Variants in ZNF560 observed in about 807,000 individuals in gnomAD.
ZNF560 encodes zinc finger protein 560.
Under a neutral mutation model 81.8 loss-of-function variants are expected in ZNF560, and 54 were observed. The observed-to-expected ratio is 0.66, with a 90% CI of 0.53 to 0.83. The LOEUF (loss-of-function observed/expected upper bound fraction) is 0.83. ZNF560 is among the 40% of genes least tolerant of loss of function. The pLI is 0.00. For synonymous variants in ZNF560, 321 were observed against 317.9 expected, an observed-to-expected ratio of 1.01 and a Z score of -0.10; for missense variants, 940 against 932.4, an observed-to-expected ratio of 1.01 and a Z score of -0.11.
intron 2 of ZNF560, among the ~76,000 whole-genome samples, chr19:9,487,737 G>C (rs1417892980): frequency 6.6e-6 from 1 of 152,164 alleles, no homozygotes; most frequent in African/African-American, 2.4e-5. Flanking sequence ...GGTCAGGGGA[G>C]GGCCAACAGA....
the ZNF560 span, among the ~76,000 whole-genome samples, chr19:9,452,072 T>G: frequency 6.6e-6 from 1 of 151,562 alleles, no homozygotes; most frequent in Non-Finnish European, 1.5e-5. Flanking sequence ...TGAGACTCCA[T>G]GTAAGCCAAA....
chr19:9,481,306 A>G (rs2073285953), intron 2 of ZNF560, among the ~76,000 whole-genome samples: 1 of 152,208 alleles, frequency 6.6e-6, no homozygotes, highest in Admixed American at 6.5e-5. Context: ...TTAGACCTAA[A>G]ACCATAAAAA....
chr19:9,500,021 AT>A (rs2073619155), upstream of ZNF560, among the ~76,000 whole-genome samples: 1 of 152,106 alleles, frequency 6.6e-6, no homozygotes, highest in Non-Finnish European at 1.5e-5. Flanking sequence ...CTATAAATAT[AT>A]TTTTATTTGT....
chr19:9,468,057 T>G lies in ZNF560; in HGVS notation c.890A>C (p.Tyr297Ser). Residue 297 changes from tyrosine to serine, a missense_variant, in exon 10 of 10, where the codon TAT becomes TCT. Physicochemically the swap from Tyr to Ser is moderately radical, Grantham distance 144 (BLOSUM62 -2). Transcript: ENST00000301480. ...TGACTGATAAATGAAGGCTTTCCCA[T>G]AGTCAGTGCCTTCAAAGGATTTATC... is the stretch of plus-strand genomic sequence containing the variant. ...TQDKSFEGTD[Y>S]GKAFIYQSYL... 1.2e-6 allele frequency: 2 copies of G among 1,614,210 alleles called. No homozygotes were observed. Among genetic ancestry groups the G allele is most frequent in the African/African-American group, 2.7e-5 (2 of 75,060 alleles).
At chr19:9,500,588 T>C (rs971065156), upstream of ZNF560, among the ~76,000 whole-genome samples, 1 of 152,028 alleles carries the variant, frequency 6.6e-6, no homozygotes, top group African/African-American at 2.4e-5. Flanking sequence ...TCTTAATTTT[T>C]TTTTTGAGAC....
chr19:9,478,818 TTAA>T (rs1221546423), intron 2 of ZNF560, among the ~76,000 whole-genome samples: 1 of 151,784 alleles, frequency 6.6e-6, no homozygotes, highest in Non-Finnish European at 1.5e-5. Flanking sequence ...GAGAAAATTA[TTAA>T]TCACAAAAAT....
chr19:9,483,275 G>A (rs1393856954), intron 2 of ZNF560, among the ~76,000 whole-genome samples: 28 of 149,124 alleles, frequency 1.9e-4, no homozygotes, highest in African/African-American at 4.7e-4. Context: ...CTGCCCCGCC[G>A]CCCCGTCTGG....
Position 9,467,682 on chromosome 19 carries a change from T to C in ZNF560, c.1265A>G (p.His422Arg). 1.2e-6 allele frequency: 2 copies of C among 1,614,116 alleles called. No homozygotes were observed. The highest frequency in any genetic ancestry group is 1.7e-6 in the Non-Finnish European group (2 of 1,180,020). The change falls in exon 10 of 10, where the codon CAT becomes CGT. Residue 422 changes from histidine (H) to arginine (R), a missense_variant. Coordinates refer to ENST00000301480, the MANE Select transcript of ZNF560 (RefSeq NM_152476.3). ...TTTCTCTCTGGCGTGACATCTTATA[T>C]GTTCAATAAGGCCTGCAGATGTACC... is the stretch of plus-strand genomic sequence containing the variant. ...AFGTSAGLIEHIRCHAREKTF... is the reference protein window; with the variant it reads ...AFGTSAGLIERIRCHAREKTF...
chr19:9,471,401 G>C, intron 5 of ZNF560, 23 bp from the exon 6 acceptor site: 1 of 1,423,958 alleles, frequency 7.0e-7, no homozygotes, highest in Non-Finnish European at 9.3e-7. Context: ...CATAAACTGA[G>C]GTTTTTTTTT....
At position 9,473,249 on chromosome 19, in the gene ZNF560, G is replaced by C. The variant is rs1216475740; in HGVS notation, c.168C>G (p.Leu56=). 1 of 1,610,306 alleles carries C rather than the reference G, an allele frequency of 6.2e-7. No individual in the cohort carries two copies. The change falls in exon 5 of 10, where the codon CTC becomes CTG. Residue 56 remains leucine (L), a synonymous_variant. Coordinates refer to ENST00000301480, the MANE Select transcript of ZNF560 (RefSeq NM_152476.3). ...YENVAKVGFQ[L]FKPSVISWLE... is the part of the protein sequence containing the mutation. ...ACCAAGAGATGACACTGGGTTTAAA[G>C]AGCTGAAATCCTTTACATGAAGAAA...
At position 9,471,402 on chromosome 19, in the gene ZNF560, GTTTT is replaced by G. The variant is rs544010624; in HGVS notation, c.239-28_239-25del. The G allele has an allele frequency of 3.2e-5, 38 of 1,191,076 alleles. No homozygotes were observed. The African/African-American group carries it at 5.9e-4, about 19-fold the overall frequency. The allele number at this position is 1,191,076 out of a possible 1,614,324, so 73.8% of individuals were successfully genotyped here. On this transcript the variant is annotated intron_variant, in intron 5 of 9. Transcript: ENST00000301480. ...GTCTGAAACAAAAACATAAACTGAG[GTTTT>G]TTTTTTTTTTAAAAAAAAAGGTAAA...
Position 9,467,952 on chromosome 19 carries a change from G to T in ZNF560, c.995C>A (p.Ser332Tyr), listed in dbSNP as rs1171728515. Residue 332 changes from serine (S) to tyrosine (Y), a missense_variant, in exon 10 of 10, where the codon TCC (serine) becomes TAC (tyrosine). Transcript: ENST00000301480. ...TTCAACATTTACAGCATGGCTTGTG[G>T]AGTGAGTAAATGCTTCCCCACATTG... ...WKQCGEAFTH[S>Y]TSHAVNVETH... The T allele has an allele frequency of 1.2e-6, 2 of 1,614,086 alleles. No individual in the cohort carries two copies. Among genetic ancestry groups the T allele is most frequent in the South Asian group, 2.2e-5 (2 of 91,066 alleles).
At chr19:9,486,022 C>T (rs138124111) in intron 2 of ZNF560, among the ~76,000 whole-genome samples, 384 of 152,286 alleles carry the variant, frequency 2.5e-3, no homozygotes, top group African/African-American at 8.0e-3. Context: ...AGAATAGCAT[C>T]GCAACATAGG....
intron 5 of ZNF560, 79 bp downstream of exon 5, chr19:9,473,100 C>A: frequency 8.6e-7 from 1 of 1,159,862 alleles, no homozygotes; most frequent in South Asian, 1.3e-5. Flanking sequence ...TTCTTTCTTG[C>A]AACACAAGAA....
chr19:9,488,217 C>T (rs2073416489), intron 2 of ZNF560, among the ~76,000 whole-genome samples: 1 of 152,184 alleles, frequency 6.6e-6, no homozygotes, highest in Admixed American at 6.5e-5. Context: ...TGCCTCTCTA[C>T]CATGTTTTGC....
chr19:9,452,079 C>CA, the ZNF560 span, among the ~76,000 whole-genome samples: 482 of 143,236 alleles, frequency 3.4e-3, 3 homozygotes, highest in East Asian at 0.02. Context: ...CCATGTAAGC[C>CA]AAAAAAAAAA....
rs1410481497 is a variant in ZNF560, at chr19:9,467,530, A to C, written c.1417T>G (p.Ser473Ala). 4 of 1,614,036 alleles carry C rather than the reference A, an allele frequency of 2.5e-6. No individual in the cohort carries two copies. In the Admixed American group the frequency reaches 6.7e-5, roughly 27 times the overall value. The change falls in exon 10 of 10, where the codon TCA becomes GCA. Residue 473 changes from serine to alanine, a missense_variant. Ser to Ala is a moderately conservative substitution (Grantham distance 99). Transcript: ENST00000301480. ...KEYGKAFGTS[S>A]GVIEDRRSNT... ...CTTCTTCTATCTTCAATAACACCTG[A>C]GGATGTACCAAAGGCCTTCCCATAT...
intron 2 of ZNF560, among the ~76,000 whole-genome samples, chr19:9,493,718 C>A (rs1416513547): frequency 1.3e-5 from 2 of 152,098 alleles, no homozygotes; most frequent in African/African-American, 4.8e-5. Context: ...TTACATAAAC[C>A]AATCATTCAC....
At chr19:9,490,493 G>C (rs1487041342) in intron 2 of ZNF560, among the ~76,000 whole-genome samples, 2 of 152,178 alleles carry the variant, frequency 1.3e-5, no homozygotes, top group East Asian at 1.9e-4. Context: ...GCATGAAACA[G>C]ATAAGAACCC....
Sources: gnomAD v4.1 joint callset for allele counts (sites outside exome capture counted in the v4.1 genomes callset) on GRCh38, gnomAD v4.1.1 for gene constraint, MANE v1.5 for transcripts, NCBI Gene and HGNC (gene_info 2026-07-23, HGNC 2026-07-21) for gene names.